The following IRX1 variants were observed in gnomAD, a reference collection of about 807,000 sequenced individuals.
IRX1 encodes the protein iroquois-class homeodomain protein IRX-1.
IRX1 carries 22 observed loss-of-function variants against 34.1 expected under a neutral mutation model. That is an observed-to-expected ratio of 0.64 (90% CI 0.46 to 0.92). IRX1 has a LOEUF of 0.92. Ranked by LOEUF, IRX1 falls within the 40% of genes least tolerant of loss-of-function variation. The pLI, the probability that IRX1 is intolerant of heterozygous loss-of-function variation, is 0.00. For missense variants in IRX1, 758 were observed against 680.0 expected (o/e 1.11, Z -1.28); for synonymous variants, 363 against 319.0 (o/e 1.14, Z -1.47).
rs1286018630 is a variant in IRX1 at position 3,600,166 on chromosome 5, T to C, written c.1218T>C (p.Leu406=). The C allele has an allele frequency of 1.2e-6, 2 of 1,612,720 alleles. No individual in the cohort carries two copies. Among genetic ancestry groups the C allele is most frequent in the South Asian group, 2.2e-5 (2 of 91,056 alleles). Residue 406 remains leucine, a synonymous_variant, in exon 2 of 4, where the codon CTT becomes CTC. Transcript: ENST00000302006. The part of the protein sequence containing the change: ...APHAAPHGPH[L]PAPPPPQPPV... ...ACGCCGCGCCCCATGGCCCTCACCTTCCTGCACCTCCACCACCGCAGCCGC... is the reference window on the plus strand; with the variant it reads ...ACGCCGCGCCCCATGGCCCTCACCTCCCTGCACCTCCACCACCGCAGCCGC...
At chr5:3,597,055 T>G (rs1454252523) in intron 1 of IRX1, among the ~76,000 whole-genome samples, 1 of 152,184 alleles carries the variant, frequency 6.6e-6, no homozygotes, top group Non-Finnish European at 1.5e-5. Context: ...TGATTTTACT[T>G]TTGTAAGTTG....
rs1387095727 is a variant in IRX1 at position 3,599,929 on chromosome 5, C to T, written c.981C>T (p.Asp327=). 4.0e-6 allele frequency: 6 copies of T among 1,487,978 alleles called. 1 individual carries two copies. Among genetic ancestry groups the T allele is most frequent in the Non-Finnish European group, 4.5e-6 (5 of 1,117,198 alleles). 92.2% of individuals were successfully genotyped at this position (1,487,978 alleles called of 1,614,324 possible). ...TGGCGGAGACAGCCACGAGCCCCGA[C>T]GGTGCGCCCAAGGCTTCGCCACCAC... ...WSLAETATSP[D]GAPKASPPPP... The change falls in exon 2 of 4, where the codon GAC becomes GAT. Residue 327 remains aspartate (D), a synonymous_variant. Transcript: ENST00000302006. This position sits in a 1 kb window ranked among gnomAD's most constrained non-coding sequence, Gnocchi z 6.6.
chr5:3,599,951 C>T lies in IRX1; in HGVS notation c.1003C>T (p.Pro335Ser), dbSNP rs1316535042. Reference protein sequence around the residue: ...SPDGAPKASPPPPAGHPGAHG... With the variant: ...SPDGAPKASPSPPAGHPGAHG... ...CGACGGTGCGCCCAAGGCTTCGCCA[C>T]CACCACCCGCGGGCCACCCCGGCGC... Residue 335 changes from proline (P) to serine (S), a missense_variant, in exon 2 of 4, where the codon CCA becomes TCA. Physicochemically the swap from Pro to Ser is moderately conservative, Grantham distance 74. Transcript: ENST00000302006. The surrounding 1 kb of genome is among the most constrained non-coding windows in gnomAD (Gnocchi z 6.6). 2 of 1,503,816 alleles carry T rather than the reference C, an allele frequency of 1.3e-6. No homozygotes were observed. The highest frequency in any genetic ancestry group is 1.8e-6 in the Non-Finnish European group (2 of 1,123,206). The allele number at this position is 1,503,816 out of a possible 1,614,324, so 93.2% of individuals were successfully genotyped here.
At chr5:3,600,457 C>A in intron 2 of IRX1, 152 bp from the exon 3 acceptor site, 1 of 885,230 alleles carries the variant, frequency 1.1e-6, no homozygotes, top group Non-Finnish European at 1.7e-6. Flanking sequence ...CTTTGCCCTA[C>A]CGGCGGGCCT....
Position 3,600,045 on chromosome 5 carries a change from G to T in IRX1, c.1097G>T (p.Cys366Phe). 1 of 1,601,220 alleles carries T rather than the reference G, an allele frequency of 6.2e-7. No individual in the cohort carries two copies. Among genetic ancestry groups the T allele is most frequent in the South Asian group, 1.1e-5 (1 of 89,512 alleles). ...CTGCCTAGCCACGGACTGTACACCT[G>T]CCACATCGGCAAGTTCTCCAACTGG... ...AFLPSHGLYT[C>F]HIGKFSNWTN... The change falls in exon 2 of 4, where the codon TGC becomes TTC. Residue 366 changes from cysteine to phenylalanine, a missense_variant. Cys to Phe is a radical substitution (Grantham distance 205). This residue lies in a region of IRX1 where 529 missense variants were observed against 418.8 expected (regional missense o/e 1.26). Coordinates refer to ENST00000302006, the MANE Select transcript of IRX1 (RefSeq NM_024337.4).
Position 3,600,235 on chromosome 5 carries a change from G to A in IRX1, c.1287G>A (p.Ser429=), listed in dbSNP as rs749522598. 5 of 1,601,806 alleles carry A rather than the reference G, an allele frequency of 3.1e-6. No homozygotes were observed. Among genetic ancestry groups the A allele is most frequent in the Non-Finnish European group, 4.3e-6 (5 of 1,176,036 alleles). The part of the protein sequence containing the change: ...APGALNGDKA[S]VRSSPTLPER... ...GGGCACTCAATGGAGACAAGGCCTC[G>A]GTCCGCAGCAGCCCCACGCTCCCAG... is the stretch of plus-strand genomic sequence containing the variant. Residue 429 remains serine (S), a synonymous_variant, in exon 2 of 4, where the codon TCG becomes TCA. Transcript: ENST00000302006.
In IRX1 at chr5:3,600,187, G is replaced by A. The variant is rs1381188234; in HGVS notation, c.1239G>A (p.Gln413=). ...GPHLPAPPPP[Q]PPVAIAPGAL... ...ACCTTCCTGCACCTCCACCACCGCA[G>A]CCGCCGGTCGCTATTGCCCCGGGGG... Residue 413 remains glutamine (Q), a synonymous_variant, in exon 2 of 4, where the codon CAG becomes CAA. Transcript: ENST00000302006. 6.2e-7 allele frequency: 1 copy of A among 1,611,774 alleles called. No homozygotes were observed. Among genetic ancestry groups the A allele is most frequent in the East Asian group, 2.2e-5 (1 of 44,840 alleles).
intron 1 of IRX1, among the ~76,000 whole-genome samples, chr5:3,597,826 A>G (rs1438217004): frequency 6.6e-6 from 1 of 152,050 alleles, no homozygotes; most frequent in Non-Finnish European, 1.5e-5. Context: ...AGAGTCCGGA[A>G]CTCCCTTTGC....
rs1561023116 is a variant in IRX1 at position 3,596,315 on chromosome 5, C to G, written c.210C>G (p.Tyr70Ter). Residue 70 changes from tyrosine (Y) to a stop codon, truncating the protein, a stop_gained, in exon 1 of 4, where the codon TAC becomes TAG. Transcript: ENST00000302006. LOFTEE classifies it high-confidence loss of function. ...VLGMYAAAGP[Y>*]AGAPNYSAFL... ...GCATGTACGCGGCGGCGGGGCCGTA[C>G]GCGGGCGCGCCCAACTACAGCGCCT... is the stretch of plus-strand genomic sequence containing the variant. 6.7e-7 allele frequency: 1 copy of G among 1,492,254 alleles called. No individual in the cohort carries two copies. Among genetic ancestry groups the G allele is most frequent in the Non-Finnish European group, 8.9e-7 (1 of 1,124,214 alleles). 92.4% of individuals were successfully genotyped at this position (1,492,254 alleles called of 1,614,324 possible).
rs559167392 is a variant in IRX1 at position 3,600,052 on chromosome 5, C to A, written c.1104C>A (p.Ile368=). ...GCCACGGACTGTACACCTGCCACATCGGCAAGTTCTCCAACTGGACCAACA... is the reference window on the plus strand; with the variant it reads ...GCCACGGACTGTACACCTGCCACATAGGCAAGTTCTCCAACTGGACCAACA... The part of the protein sequence containing the change: ...LPSHGLYTCH[I]GKFSNWTNSA... The change falls in exon 2 of 4, where the codon ATC becomes ATA. Residue 368 remains isoleucine, a synonymous_variant. Transcript: ENST00000302006. The A allele has an allele frequency of 1.4e-5, 22 of 1,603,786 alleles. No individual in the cohort carries two copies. The highest frequency in any genetic ancestry group is 1.8e-5 in the Non-Finnish European group (21 of 1,174,234).
At chr5:3,596,507 G>T (rs1743700762) in intron 1 of IRX1, 126 bp downstream of exon 1, 1 of 1,025,864 alleles carries the variant, frequency 9.7e-7, no homozygotes, top group Non-Finnish European at 1.3e-6. Context: ...AAAGGTCCGG[G>T]GGCAGGTTCC....
intron 1 of IRX1, 70 bp downstream of exon 1, chr5:3,596,451 C>G (rs558235213): frequency 1.5e-6 from 2 of 1,346,638 alleles, no homozygotes; most frequent in African/African-American, 1.5e-5. Flanking sequence ...GCGGGTCGCC[C>G]GGGAGGGAGA....
chr5:3,596,179 C>CG lies in IRX1; in HGVS notation c.79dup (p.Val27GlyfsTer71). The CG allele has an allele frequency of 9.7e-7, 1 of 1,031,194 alleles. No homozygotes were observed. The highest frequency in any genetic ancestry group is 1.2e-6 in the Non-Finnish European group (1 of 862,146). The allele number at this position is 1,031,194 out of a possible 1,614,324, so 63.9% of individuals were successfully genotyped here. On this transcript the variant is annotated frameshift_variant, in exon 1 of 4. Transcript: ENST00000302006. LOFTEE classifies it high-confidence loss of function. ...CCGGGCGCCTACGGCGGCGAGCGCC[C>CG]GGGGGTGCTGGCCGCGGCCGCTGCG...
In IRX1 at chr5:3,599,410, C is replaced by A; in HGVS notation, c.462C>A (p.Tyr154Ter). 6.2e-7 allele frequency: 1 copy of A among 1,614,122 alleles called. No homozygotes were observed. The highest frequency in any genetic ancestry group is 1.7e-5 in the Admixed American group (1 of 60,026). ...AWLNEHRKNP[Y>*]PTKGEKIMLA... ...TCAACGAGCACCGCAAGAATCCCTA[C>A]CCCACCAAGGGCGAGAAGATCATGC... The change falls in exon 2 of 4, where the codon TAC becomes TAA. Residue 154 changes from tyrosine to a stop codon, truncating the protein, a stop_gained. Coordinates refer to ENST00000302006, the MANE Select transcript of IRX1 (RefSeq NM_024337.4). LOFTEE classifies it high-confidence loss of function. The surrounding 1 kb of genome is among the most constrained non-coding windows in gnomAD (Gnocchi z 6.6).
chr5:3,600,743 G>C (rs989718168), intron 3 of IRX1, 62 bp downstream of exon 3: 3 of 1,493,034 alleles, frequency 2.0e-6, no homozygotes, highest in Non-Finnish European at 1.9e-6. Context: ...AGGAGTGGTC[G>C]GGACCCGGGC....
At chr5:3,600,861 G>T in intron 3 of IRX1, 122 bp from the exon 4 acceptor site, 2 of 1,225,446 alleles carry the variant, frequency 1.6e-6, no homozygotes, top group South Asian at 1.2e-5. Context: ...CTCCCCAGCC[G>T]GGAGCCGCGC....
chr5:3,599,333 G>C lies in IRX1; in HGVS notation c.385G>C (p.Gly129Arg). 6.2e-7 allele frequency: 1 copy of C among 1,614,068 alleles called. No homozygotes were observed. Among genetic ancestry groups the C allele is most frequent in the Non-Finnish European group, 8.5e-7 (1 of 1,180,024 alleles). Residue 129 changes from glycine (G) to arginine (R), a missense_variant, in exon 2 of 4, where the codon GGG becomes CGG. Physicochemically the swap from Gly to Arg is moderately radical, Grantham distance 125. This residue lies in a region of IRX1 where 195 missense variants were observed against 195.0 expected (regional missense o/e 1.00). Transcript: ENST00000302006. The surrounding 1 kb of genome is among the most constrained non-coding windows in gnomAD (Gnocchi z 6.6). The part of the protein sequence containing the change: ...PYGQFQYGDP[G>R]RPKNATREST... ...CGGCCAGTTCCAATACGGGGACCCCGGGCGGCCCAAGAACGCCACCCGCGA... is the reference window on the plus strand; with the variant it reads ...CGGCCAGTTCCAATACGGGGACCCCCGGCGGCCCAAGAACGCCACCCGCGA...
Position 3,599,492 on chromosome 5 carries a change from C to A in IRX1, c.544C>A (p.Arg182Ser). The change falls in exon 2 of 4, where the codon CGC becomes AGC. Residue 182 changes from arginine (R) to serine (S), a missense_variant. Arg to Ser is a moderately radical substitution (Grantham distance 110). Transcript: ENST00000302006. The surrounding 1 kb of genome is among the most constrained non-coding windows in gnomAD (Gnocchi z 6.6). ...GGTCTCCACCTGGTTCGCCAACGCG[C>A]GCCGGCGCCTCAAGAAGGAGAACAA... ...TQVSTWFANA[R>S]RRLKKENKVT... is the part of the protein sequence containing the mutation. The A allele has an allele frequency of 6.2e-7, 1 of 1,614,150 alleles. No homozygotes were observed. The highest frequency in any genetic ancestry group is 8.5e-7 in the Non-Finnish European group (1 of 1,180,040).
chr5:3,601,175 C>A lies in IRX1; in HGVS notation c.*135C>A. 1 of 860,586 alleles carries A rather than the reference C, an allele frequency of 1.2e-6. No individual in the cohort carries two copies. The highest frequency in any genetic ancestry group is 1.6e-5 in the South Asian group (1 of 64,344). The allele number at this position is 860,586 out of a possible 1,614,324, so 53.3% of individuals were successfully genotyped here. On this transcript the variant is annotated 3_prime_UTR_variant, in exon 4 of 4. Coordinates refer to ENST00000302006, the MANE Select transcript of IRX1 (RefSeq NM_024337.4). ...GACAACGACGTCAAGGACTCGCATCCGTCGCTTTCTGCAGAAAGGGGCTTC... is the reference window on the plus strand; with the variant it reads ...GACAACGACGTCAAGGACTCGCATCAGTCGCTTTCTGCAGAAAGGGGCTTC...
Sources: gnomAD v4.1 joint callset for allele counts (sites outside exome capture counted in the v4.1 genomes callset) on GRCh38, gnomAD v4.1.1 for gene constraint, gnomAD v4.1.1 regional missense constraint, Gnocchi (gnomAD v3.1) non-coding constraint, MANE v1.5 for transcripts, NCBI Gene and HGNC (gene_info 2026-07-23, HGNC 2026-07-21) for gene names.